FMO4: variants seen among roughly 807,000 people sequenced by gnomAD.
FMO4 encodes dimethylaniline monooxygenase [N-oxide-forming] 4.
In FMO4, 38 loss-of-function variants were observed where a neutral mutation model predicts 43.3. The ratio of observed to expected loss-of-function variants is 0.88; its 90% CI spans 0.68 to 1.15. FMO4 has a LOEUF of 1.15. Among genes scored for constraint, FMO4 ranks in the 50% most tolerant of loss-of-function variants. FMO4 has a pLI of 0.00. For missense variants in FMO4, 631 were observed against 663.3 expected, an observed-to-expected ratio of 0.95 and a Z score of 0.54; for synonymous variants, 224 against 232.2, an observed-to-expected ratio of 0.96 and a Z score of 0.32.
chr1:171,327,903 A>T (rs931736655), intron 5 of FMO4, among the ~76,000 whole-genome samples: 1 of 152,160 alleles, frequency 6.6e-6, no homozygotes, highest in Non-Finnish European at 1.5e-5. Flanking sequence ...ACAGAGCTAA[A>T]TTCTTTCTCA....
In FMO4 at chr1:171,341,828, T is replaced by C. The variant is rs1323144332; in HGVS notation, c.1666T>C (p.Trp556Arg). ...AATGTCCCCTTACCTAGTAAGTCTTTGGCGAGGATGAACCTGATTGTTACA... is the reference window on the plus strand; with the variant it reads ...AATGTCCCCTTACCTAGTAAGTCTTCGGCGAGGATGAACCTGATTGTTACA... ...DRMSPYLVSLWRG is the reference protein window; with the variant it reads ...DRMSPYLVSLRRG The change falls in exon 10 of 10, where the codon TGG (tryptophan) becomes CGG (arginine). Residue 556 changes from tryptophan (W) to arginine (R), a missense_variant. Trp to Arg is a moderately radical substitution (Grantham distance 101). Transcript: ENST00000367749. The C allele has an allele frequency of 6.2e-7, 1 of 1,611,036 alleles. No homozygotes were observed. The highest frequency in any genetic ancestry group is 8.5e-7 in the Non-Finnish European group (1 of 1,178,416).
chr1:171,332,616 A>G (rs1571406452), intron 6 of FMO4, 93 bp from the exon 7 acceptor site: 1 of 1,012,986 alleles, frequency 9.9e-7, no homozygotes, highest in East Asian at 2.4e-5. Context: ...TTAAAAGACC[A>G]GACTGGAATA....
chr1:171,332,755 C>CA lies in FMO4; in HGVS notation c.675dup (p.Asp226ArgfsTer7). 1 of 1,611,552 alleles carries CA rather than the reference C, an allele frequency of 6.2e-7. No homozygotes were observed. The highest frequency in any genetic ancestry group is 8.5e-7 in the Non-Finnish European group (1 of 1,177,776). ...GGTACCTGGGTTCTTGGGCGCTCTT[C>CA]AGATTGGGGCTATCCTTATAATATG... On this transcript the variant is annotated frameshift_variant, in exon 7 of 10. Transcript: ENST00000367749. LOFTEE classifies it high-confidence loss of function.
chr1:171,321,649 C>T lies in FMO4; in HGVS notation c.133-1355C>T, dbSNP rs1166379047. ...GTTGATTGAATCCATGGATCTAGAA[C>T]CTACAGATACAGAGGGCCAGCTGTA... On this transcript the variant is annotated intron_variant, in intron 3 of 9. Coordinates refer to ENST00000367749, the MANE Select transcript of FMO4 (RefSeq NM_002022.3). Among the ~76,000 whole-genome samples, 14 of 151,456 alleles carry T rather than the reference C, an allele frequency of 9.2e-5. 1 individual carries two copies. Among genetic ancestry groups the T allele is most frequent in the Admixed American group, 9.2e-4 (14 of 15,202 alleles).
rs571605691 is a variant in FMO4 at position 171,341,507 on chromosome 1, C to T, written c.1345C>T (p.Leu449Phe). Reference sequence around the variant, plus strand: ...CATAGGCACAAAGCCCAGCATCCCACTTCTGTTCCTCAAGGATCCCAGACT... The same window carrying T: ...CATAGGCACAAAGCCCAGCATCCCATTTCTGTTCCTCAAGGATCCCAGACT... ...ACIGTKPSIP[L>F]LFLKDPRLAW... is the part of the protein sequence containing the mutation. The change falls in exon 10 of 10, where the codon CTT (leucine) becomes TTT (phenylalanine). Residue 449 changes from leucine (L) to phenylalanine (F), a missense_variant. Transcript: ENST00000367749. 23 of 1,614,054 alleles carry T rather than the reference C, an allele frequency of 1.4e-5. No homozygotes were observed. The South Asian group carries it at 2.5e-4, about 18-fold the overall frequency.
intron 5 of FMO4, among the ~76,000 whole-genome samples, chr1:171,330,257 C>T (rs1662840565): frequency 6.6e-6 from 1 of 152,238 alleles, no homozygotes; most frequent in African/African-American, 2.4e-5. Context: ...GATTCTTTGT[C>T]AATGCTTCAT....
Position 171,341,913 on chromosome 1 carries a change from T to C in FMO4, c.*74T>C. On this transcript the variant is annotated 3_prime_UTR_variant, in exon 10 of 10. Transcript: ENST00000367749. ...AGTATCTTGTGCATCCCTCCTCTGC[T>C]CTCCATCATAACTGCTATTAGCCAA... is the stretch of plus-strand genomic sequence containing the variant. 8.1e-7 allele frequency: 1 copy of C among 1,239,388 alleles called. No homozygotes were observed. Among genetic ancestry groups the C allele is most frequent in the Non-Finnish European group, 1.1e-6 (1 of 889,018 alleles). The allele number at this position is 1,239,388 out of a possible 1,614,324, so 76.8% of individuals were successfully genotyped here.
In FMO4 at chr1:171,314,323, G is replaced by A. The variant is rs1025000558; in HGVS notation, c.-241G>A. On this transcript the variant is annotated 5_prime_UTR_variant, in exon 1 of 10. Transcript: ENST00000367749. ...TTTTTCTTTCAGAAAAAAGAATTTG[G>A]GTTTTGAGCTTTTTTAAAAAAAAAA... 6.8e-6 allele frequency: 1 copy of A among 146,672 alleles called. No individual in the cohort carries two copies. The highest frequency in any genetic ancestry group is 6.7e-5 in the Admixed American group (1 of 15,010). 9.1% of individuals were successfully genotyped at this position (146,672 alleles called of 1,614,324 possible).
chr1:171,323,435 A>G (rs112720974), intron 4 of FMO4, among the ~76,000 whole-genome samples: 6,662 of 152,200 alleles, frequency 0.044, 467 homozygotes, highest in African/African-American at 0.15. Flanking sequence ...AGGCCGAGGC[A>G]GGCAGATCAC....
chr1:171,328,082 C>G (rs116681040), intron 5 of FMO4, among the ~76,000 whole-genome samples: 5 of 152,114 alleles, frequency 3.3e-5, no homozygotes, highest in Non-Finnish European at 5.9e-5. Flanking sequence ...CTCTTGTTCC[C>G]CAGGCTGGAG....
intron 5 of FMO4, among the ~76,000 whole-genome samples, chr1:171,327,307 A>G (rs1205215258): frequency 6.6e-6 from 1 of 152,192 alleles, no homozygotes; most frequent in African/African-American, 2.4e-5. Flanking sequence ...CATTGGACCC[A>G]TCTTAATGCC....
chr1:171,322,128 G>C (rs1662459257), intron 3 of FMO4, among the ~76,000 whole-genome samples: 1 of 152,212 alleles, frequency 6.6e-6, no homozygotes, highest in Admixed American at 6.5e-5. Flanking sequence ...TGAAGATTGA[G>C]ATAGGATGGA....
intron 9 of FMO4, among the ~76,000 whole-genome samples, chr1:171,339,243 A>T (rs1404577287): frequency 6.6e-6 from 1 of 152,190 alleles, no homozygotes; most frequent in Non-Finnish European, 1.5e-5. Context: ...ATTTGGACTG[A>T]TCAGACGTTG....
chr1:171,328,517 G>C (rs1467239507), intron 5 of FMO4, among the ~76,000 whole-genome samples: 1 of 151,938 alleles, frequency 6.6e-6, no homozygotes, highest in African/African-American at 2.4e-5. Flanking sequence ...GGGCATGGTG[G>C]CACGCACCTG....
chr1:171,331,783 G>T lies in FMO4; in HGVS notation c.627+1G>T. ...GGAACTCAGTCGAACGGCAGCTCAG[G>T]TACATCATCTCTGAATTAATGCCCC... On this transcript the variant is annotated splice_donor_variant, in intron 6 of 9. Transcript: ENST00000367749. LOFTEE classifies it high-confidence loss of function. The T allele has an allele frequency of 6.2e-7, 1 of 1,613,406 alleles. No individual in the cohort carries two copies. The highest frequency in any genetic ancestry group is 1.3e-5 in the African/African-American group (1 of 74,970).
intron 5 of FMO4, among the ~76,000 whole-genome samples, chr1:171,325,847 TTTTTTTTTTTTTTTTTTTG>T (rs1662639938): frequency 8.9e-5 from 7 of 78,898 alleles, no homozygotes; most frequent in African/African-American, 1.7e-4. Flanking sequence ...TTTTTTTTTT[TTTTTTTTTTTTTTTTTTTG>T]AGACAGGGTC....
At chr1:171,331,903 G>GAAA in intron 6 of FMO4, 121 bp downstream of exon 6, 1 of 763,720 alleles carries the variant, frequency 1.3e-6, no homozygotes, top group Non-Finnish European at 2.1e-6. Context: ...ACAGTAAGTG[G>GAAA]GAAAAAAAAA....
At chr1:171,327,076 T>G (rs150980605) in intron 5 of FMO4, among the ~76,000 whole-genome samples, 1 of 152,266 alleles carries the variant, frequency 6.6e-6, no homozygotes, top group East Asian at 1.9e-4. Flanking sequence ...AGATATAAAA[T>G]CCATGAGCAA....
chr1:171,323,277 C>A lies in FMO4; in HGVS notation c.321+85C>A. The stretch of plus-strand genomic sequence containing the variant: ...ATGAAAATTGGATGTTTAAAGTAAA[C>A]TTTTTATTGATTTTATCTCCAAATA... On this transcript the variant is annotated intron_variant, in intron 4 of 9. Transcript: ENST00000367749. The A allele has an allele frequency of 8.2e-6, 7 of 853,992 alleles. No homozygotes were observed. In the South Asian group the frequency reaches 1.0e-4, roughly 13 times the overall value. 52.9% of individuals were successfully genotyped at this position (853,992 alleles called of 1,614,324 possible).
Sources: allele counts gnomAD v4.1 joint callset (sites outside exome capture counted in the v4.1 genomes callset), GRCh38; gene constraint gnomAD v4.1.1; transcripts MANE v1.5; gene names NCBI Gene and HGNC (gene_info 2026-07-23, HGNC 2026-07-21).